Variants in PHC2 observed in about 807,000 individuals in gnomAD.
The protein encoded by PHC2 is polyhomeotic-like protein 2.
A neutral mutation model predicts 87.4 loss-of-function variants in PHC2; 29 were observed. The ratio of observed to expected loss-of-function variants is 0.33; its 90% CI spans 0.25 to 0.45. The LOEUF is 0.45. PHC2 is among the 20% of genes least tolerant of loss of function. The probability of loss-of-function intolerance (pLI) is 1.00; values close to 1 mark genes in which losing one functional copy is unlikely to be tolerated. For synonymous variants in PHC2, 438 were observed against 461.7 expected (o/e 0.95, Z 0.66); for missense variants, 857 against 1,136.7 (o/e 0.75, Z 3.54).
rs1647042334 is a variant in PHC2, at chr1:33,354,963, A to G, written c.1267T>C (p.Cys423Arg). 1 of 1,614,212 alleles carries G rather than the reference A, an allele frequency of 6.2e-7. No individual in the cohort carries two copies. Among genetic ancestry groups the G allele is most frequent in the Non-Finnish European group, 8.5e-7 (1 of 1,180,044 alleles). ...CCAGTATCAGGTGTGGGAGGGTGAC[A>G]CTGCTGACTGCCGCCAGGCTTGTGC... ...NLHKPGGSQQ[C>R]HPPTPDTGPQ... The change falls in exon 8 of 15, where the codon TGT becomes CGT. Residue 423 changes from cysteine to arginine, a missense_variant. Physicochemically the swap from Cys to Arg is radical, Grantham distance 180. Around this residue, in one of 3 missense-constraint regions of PHC2, gnomAD observed 832 missense variants for 1,081.8 expected, o/e 0.77. Coordinates refer to ENST00000683057, the MANE Select transcript of PHC2 (RefSeq NM_001385109.1).
chr1:33,354,907 G>A lies in PHC2; in HGVS notation c.1323C>T (p.Pro441=), dbSNP rs747943219. 4 of 1,614,180 alleles carry A rather than the reference G, an allele frequency of 2.5e-6. No homozygotes were observed. The highest frequency in any genetic ancestry group is 1.3e-5 in the African/African-American group (1 of 75,066). Residue 441 remains proline (P), a synonymous_variant, in exon 8 of 15, where the codon CCC becomes CCT. Coordinates refer to ENST00000683057, the MANE Select transcript of PHC2 (RefSeq NM_001385109.1). ...GCTGGAACCTGCGTTGAGGGGTGTG[G>A]GGCACGCCCTCGGGATGTCCATTCT... The part of the protein sequence containing the change: ...GPQNGHPEGV[P]HTPQRRFQHT...
chr1:33,333,849 T>G, intron 10 of PHC2: 1 of 481,618 alleles, frequency 2.1e-6, no homozygotes, highest in Non-Finnish European at 3.7e-6. Context: ...CACACCTGAG[T>G]TTGTGTGGGA....
At chr1:33,409,136 T>C (rs1649883543) in intron 1 of PHC2, among the ~76,000 whole-genome samples, 1 of 152,216 alleles carries the variant, frequency 6.6e-6, no homozygotes, top group African/African-American at 2.4e-5. Context: ...TTAAAAAATA[T>C]ACATCTAGAG....
chr1:33,332,130 G>GA lies in PHC2; in HGVS notation c.1891+144dup, dbSNP rs1646513405. ...ATTTCCCCTATCCCTCTTTTTGAGG[G>GA]AAGGAGGCTGAGGAGGTGCTGGGGG... On this transcript the variant is annotated intron_variant, in intron 11 of 14. Transcript: ENST00000683057. This position sits in a 1 kb window ranked among gnomAD's most constrained non-coding sequence, Gnocchi z 4.2. 1.2e-6 allele frequency: 1 copy of GA among 854,294 alleles called. No individual in the cohort carries two copies. Among genetic ancestry groups the GA allele is most frequent in the Admixed American group, 2.4e-5 (1 of 40,952 alleles). 52.9% of individuals were successfully genotyped at this position (854,294 alleles called of 1,614,324 possible).
At chr1:33,392,267 C>T (rs921725098) in intron 1 of PHC2, among the ~76,000 whole-genome samples, 4 of 152,172 alleles carry the variant, frequency 2.6e-5, no homozygotes, top group Non-Finnish European at 5.9e-5. Context: ...GGTCCTAACG[C>T]GAGGTCCACA....
chr1:33,405,192 T>C (rs188355421), intron 1 of PHC2, among the ~76,000 whole-genome samples: 31 of 151,940 alleles, frequency 2.0e-4, no homozygotes, highest in African/African-American at 7.0e-4. Flanking sequence ...GTCTTTTTTT[T>C]TTTTTTCTTT....
At chr1:33,409,293 A>G (rs1462454814) in intron 1 of PHC2, among the ~76,000 whole-genome samples, 1 of 152,206 alleles carries the variant, frequency 6.6e-6, no homozygotes. Flanking sequence ...ATTGGTAAGG[A>G]TTAGTAATTG....
chr1:33,359,419 T>C (rs951314021), intron 7 of PHC2, among the ~76,000 whole-genome samples: 7 of 152,220 alleles, frequency 4.6e-5, no homozygotes, highest in African/African-American at 1.7e-4. Flanking sequence ...TAGAGTTTGA[T>C]GTTACCTGGC....
At chr1:33,342,402 G>A (rs1646761114) in intron 9 of PHC2, among the ~76,000 whole-genome samples, 1 of 152,192 alleles carries the variant, frequency 6.6e-6, no homozygotes, top group Admixed American at 6.5e-5. Context: ...CGGCCCTTCT[G>A]ACTCACCCAC....
intron 9 of PHC2, among the ~76,000 whole-genome samples, chr1:33,338,138 T>C (rs1030130963): frequency 2.6e-5 from 4 of 152,318 alleles, no homozygotes; most frequent in South Asian, 4.1e-4. Flanking sequence ...TCTATGCCTA[T>C]TAATGTTCAC....
intron 1 of PHC2, among the ~76,000 whole-genome samples, chr1:33,419,886 G>A (rs944876568): frequency 1.8e-4 from 27 of 151,434 alleles, no homozygotes; most frequent in African/African-American, 6.5e-4. Context: ...TGGGATTACA[G>A]GCGTGAGCCA....
chr1:33,356,890 T>A (rs962127063), intron 7 of PHC2, among the ~76,000 whole-genome samples: 8 of 152,054 alleles, frequency 5.3e-5, no homozygotes, highest in African/African-American at 1.9e-4. Context: ...CCCCCCCACC[T>A]CCCAGACGGG....
chr1:33,370,330 C>A, intron 5 of PHC2, 91 bp downstream of exon 5: 7 of 1,334,856 alleles, frequency 5.2e-6, no homozygotes, highest in Non-Finnish European at 7.3e-6. Flanking sequence ...CTAGTGCTTC[C>A]TCCCCACCCT....
At chr1:33,375,901 TA>T (rs1391527841) in intron 1 of PHC2, among the ~76,000 whole-genome samples, 1 of 152,196 alleles carries the variant, frequency 6.6e-6, no homozygotes, top group Non-Finnish European at 1.5e-5. Flanking sequence ...TATGCTACTT[TA>T]TATTAGGGAC....
intron 1 of PHC2, among the ~76,000 whole-genome samples, chr1:33,388,318 A>AT (rs751211305): frequency 0.18 from 23,027 of 126,048 alleles, 2,680 homozygotes; most frequent in Non-Finnish European, 0.26. Flanking sequence ...AATGACAGCA[A>AT]TTTTTTTTTT....
chr1:33,409,416 G>A (rs1273050881), intron 1 of PHC2, among the ~76,000 whole-genome samples: 1 of 151,948 alleles, frequency 6.6e-6, no homozygotes, highest in Non-Finnish European at 1.5e-5. Context: ...ATAAGAAAAT[G>A]TATGCACTCA....
intron 9 of PHC2, among the ~76,000 whole-genome samples, chr1:33,338,892 A>T (rs1198634355): frequency 1.3e-5 from 2 of 152,174 alleles, no homozygotes; most frequent in Non-Finnish European, 2.9e-5. Flanking sequence ...AGGGGGAGGT[A>T]AAATCTTGGC....
At chr1:33,427,776 A>G (rs1650742116) in intron 1 of PHC2, among the ~76,000 whole-genome samples, 1 of 152,360 alleles carries the variant, frequency 6.6e-6, no homozygotes, top group East Asian at 1.9e-4. Flanking sequence ...TGGCCTTGGC[A>G]TCTGTCAGGT....
chr1:33,364,054 G>A lies in PHC2; in HGVS notation c.976+3062C>T. ...GCATAAGGGACCTTTTCTATTTGCA[G>A]AGCCTGAAGAAGCCGGTTGCCAAGG... On this transcript the variant is annotated intron_variant, in intron 7 of 14. Transcript: ENST00000683057. This position sits in a 1 kb window ranked among gnomAD's most constrained non-coding sequence, Gnocchi z 4.1. 7.5e-6 allele frequency: 2 copies of A among 266,612 alleles called. No individual in the cohort carries two copies. Among genetic ancestry groups the A allele is most frequent in the Non-Finnish European group, 1.2e-5 (2 of 172,670 alleles). 16.5% of individuals were successfully genotyped at this position (266,612 alleles called of 1,614,324 possible).
Sources: allele counts gnomAD v4.1 joint callset (sites outside exome capture counted in the v4.1 genomes callset), GRCh38; gene constraint gnomAD v4.1.1; regional missense constraint gnomAD v4.1.1; non-coding constraint Gnocchi (gnomAD v3.1); transcripts MANE v1.5; gene names NCBI Gene and HGNC (gene_info 2026-07-23, HGNC 2026-07-21).